The following DNER variants were observed in gnomAD, a reference collection of about 807,000 sequenced individuals.
The protein encoded by DNER is delta and Notch-like epidermal growth factor-related receptor.
A neutral mutation model predicts 78.2 loss-of-function variants in DNER; 33 were observed. That is an observed-to-expected ratio of 0.42 (90% CI 0.32 to 0.56). The LOEUF is 0.56. DNER is among the 20% of genes least tolerant of loss of function. The pLI is 0.11. For synonymous variants in DNER, 417 were observed against 384.8 expected, an observed-to-expected ratio of 1.08 and a Z score of -0.98; for missense variants, 918 against 975.3, an observed-to-expected ratio of 0.94 and a Z score of 0.78.
At chr2:229,568,432 G>A (rs903151145) in intron 4 of DNER, among the ~76,000 whole-genome samples, 6 of 152,280 alleles carry the variant, frequency 3.9e-5, no homozygotes, top group Admixed American at 2.0e-4. Context: ...ACCTGACTCC[G>A]CAGTAGGAAA....
Position 229,439,128 on chromosome 2 carries a change from G to A in DNER, c.1486+8188C>T, listed in dbSNP as rs536377371. 8.5e-5 allele frequency among the ~76,000 whole-genome samples: 13 copies of A among 152,292 alleles called. No individual in the cohort carries two copies. The South Asian group carries it at 2.5e-3, about 29-fold the overall frequency. ...TTGCCCAGCATCTGGCACTTAAATA[G>A]TTATCACCGGAGTCACAGAAAGCCA... On this transcript the variant is annotated intron_variant, in intron 8 of 12. Transcript: ENST00000341772.
In DNER at chr2:229,615,706, TGTCTC is replaced by T. The variant is rs772454294; in HGVS notation, c.277-23823_277-23819del. ...TAGCCTGGGCAACAAAGCAAGACTC[TGTCTC>T]AAACAAAAAAAAAGAACTGTTTTGT... On this transcript the variant is annotated intron_variant, in intron 1 of 12. Transcript: ENST00000341772. 2.6e-5 allele frequency among the ~76,000 whole-genome samples: 4 copies of T among 152,116 alleles called. No homozygotes were observed. In the East Asian group the frequency reaches 7.7e-4, roughly 29 times the overall value.
chr2:229,650,232 C>T (rs1698792484), intron 1 of DNER, among the ~76,000 whole-genome samples: 1 of 152,104 alleles, frequency 6.6e-6, no homozygotes, highest in African/African-American at 2.4e-5. Context: ...TTGGGCTGTA[C>T]TCCCAGTGGA....
At chr2:229,625,927 G>GT (rs769197757) in intron 1 of DNER, among the ~76,000 whole-genome samples, 9,515 of 147,078 alleles carry the variant, frequency 0.065, 314 homozygotes, top group African/African-American at 0.074. Context: ...TTTGTTTTTT[G>GT]TTTTTTTTTT....
intron 8 of DNER, among the ~76,000 whole-genome samples, chr2:229,425,328 C>T (rs1435301957): frequency 6.6e-6 from 1 of 152,132 alleles, no homozygotes; most frequent in Non-Finnish European, 1.5e-5. Context: ...CCTCTCTGTG[C>T]CCCCTATGAA....
chr2:229,585,517 G>A (rs970230619), intron 4 of DNER, among the ~76,000 whole-genome samples: 1 of 151,932 alleles, frequency 6.6e-6, no homozygotes, highest in East Asian at 1.9e-4. Context: ...AAAATGAGCC[G>A]AGCATGATGG....
At chr2:229,387,920 T>G (rs1345143847) in intron 11 of DNER, among the ~76,000 whole-genome samples, 33 of 151,948 alleles carry the variant, frequency 2.2e-4, no homozygotes, top group Admixed American at 2.2e-3. Flanking sequence ...AAAGACTCTA[T>G]TTTTTTGATA....
chr2:229,652,463 C>T (rs900734505), intron 1 of DNER, among the ~76,000 whole-genome samples: 4 of 152,152 alleles, frequency 2.6e-5, no homozygotes, highest in East Asian at 1.9e-4. Context: ...CCATGGACCA[C>T]GTGCACATCA....
chr2:229,578,015 T>C (rs886451160), intron 4 of DNER, among the ~76,000 whole-genome samples: 1 of 152,134 alleles, frequency 6.6e-6, no homozygotes, highest in African/African-American at 2.4e-5. Context: ...TCAACTTAAG[T>C]GAATATTAGA....
intron 10 of DNER, among the ~76,000 whole-genome samples, chr2:229,390,632 A>G (rs1692993367): frequency 2.6e-5 from 4 of 152,248 alleles, no homozygotes; most frequent in Admixed American, 2.6e-4. Context: ...TATCAAATAC[A>G]GTATCTAAAA....
chr2:229,392,275 G>GA (rs200048129), intron 10 of DNER, among the ~76,000 whole-genome samples: 6,090 of 128,064 alleles, frequency 0.048, 303 homozygotes, highest in African/African-American at 0.14. Flanking sequence ...TGAAATATAT[G>GA]AAAAAAAAAA....
intron 4 of DNER, among the ~76,000 whole-genome samples, chr2:229,547,402 G>A (rs11893306): frequency 0.24 from 37,082 of 151,994 alleles, 6,707 homozygotes; most frequent in African/African-American, 0.5. Flanking sequence ...TTGCCCTCTG[G>A]GGGCTGCTTT....
At position 229,520,967 on chromosome 2, in the gene DNER, G is replaced by C. The variant is rs917772104; in HGVS notation, c.994-8031C>G. 5.9e-5 allele frequency among the ~76,000 whole-genome samples: 9 copies of C among 152,350 alleles called. No individual in the cohort carries two copies. In the East Asian group the frequency reaches 1.7e-3, roughly 29 times the overall value. On this transcript the variant is annotated intron_variant, in intron 5 of 12. Transcript: ENST00000341772. ...AAAGGCTCAGCCATTCCTATGCCAA[G>C]GGAGGGTCTGGCTGCCTCTCAGCTT...
rs142878179 is a variant in DNER at position 229,656,985 on chromosome 2, C to CATGT, written c.276+57162_276+57163insACAT. Among the ~76,000 whole-genome samples the CATGT allele has an allele frequency of 1.1e-4, 16 of 148,830 alleles. No individual in the cohort carries two copies. The South Asian group carries it at 3.5e-3, about 32-fold the overall frequency. On this transcript the variant is annotated intron_variant, in intron 1 of 12. Coordinates refer to ENST00000341772, the MANE Select transcript of DNER (RefSeq NM_139072.4). ...CAAGACCATCACATCACAGTTACCA[C>CATGT]GTGTGTGTGTGTGTGTGTGTGTGTG...
intron 5 of DNER, among the ~76,000 whole-genome samples, chr2:229,517,911 C>T (rs933755108): frequency 5.3e-5 from 8 of 152,166 alleles, no homozygotes; most frequent in Admixed American, 5.2e-4. Flanking sequence ...CTGTAAGAAC[C>T]CTGGCTTGGT....
intron 10 of DNER, among the ~76,000 whole-genome samples, chr2:229,403,263 G>A (rs751546422): frequency 1.3e-5 from 2 of 152,146 alleles, no homozygotes; most frequent in Non-Finnish European, 2.9e-5. Context: ...CATACTCCTT[G>A]TATGGAAGCA....
intron 12 of DNER, among the ~76,000 whole-genome samples, chr2:229,362,058 A>T (rs1178481530): frequency 6.6e-6 from 1 of 152,088 alleles, no homozygotes; most frequent in East Asian, 1.9e-4. Flanking sequence ...GATGGGAAGG[A>T]GTTGACACAC....
intron 6 of DNER, among the ~76,000 whole-genome samples, chr2:229,485,595 ACC>A (rs1282988171): frequency 2.6e-5 from 4 of 152,056 alleles, no homozygotes; most frequent in African/African-American, 4.8e-5. Flanking sequence ...CCCCCCACCA[ACC>A]CATATATCAT....
chr2:229,576,711 A>G (rs1697308903), intron 4 of DNER, among the ~76,000 whole-genome samples: 1 of 152,202 alleles, frequency 6.6e-6, no homozygotes, highest in Non-Finnish European at 1.5e-5. Flanking sequence ...TGTGATTAGC[A>G]GAAAGTAATG....
Sources: gnomAD v4.1 joint callset for allele counts (sites outside exome capture counted in the v4.1 genomes callset) on GRCh38, gnomAD v4.1.1 for gene constraint, MANE v1.5 for transcripts, NCBI Gene and HGNC (gene_info 2026-07-23, HGNC 2026-07-21) for gene names.